GAREM1: variants seen among roughly 807,000 people sequenced by gnomAD.
The protein encoded by GAREM1 is GRB2 associated regulator of MAPK1 subtype 1.
Under a neutral mutation model 71.3 loss-of-function variants are expected in GAREM1, and 26 were observed. That is an observed-to-expected ratio of 0.36 (90% confidence interval 0.27 to 0.51). The LOEUF is 0.51. Among genes scored for constraint, GAREM1 ranks in the 20% least tolerant of loss-of-function variants. The pLI, the probability that GAREM1 is intolerant of heterozygous loss-of-function variation, is 0.95. For missense variants in GAREM1, 1,026 were observed against 1,103.1 expected (o/e 0.93, Z 0.99); for synonymous variants, 440 against 433.2 (o/e 1.02, Z -0.20).
intron 2 of GAREM1, among the ~76,000 whole-genome samples, chr18:32,370,640 T>C (rs2047969065): frequency 1.3e-5 from 2 of 152,316 alleles, no homozygotes; most frequent in Non-Finnish European, 2.9e-5. Context: ...ATATGGCGTG[T>C]GCCCCTCCAA....
intron 2 of GAREM1, among the ~76,000 whole-genome samples, chr18:32,312,307 T>A (rs1373729839): frequency 6.6e-6 from 1 of 152,080 alleles, no homozygotes. Context: ...CCTGGGAGAC[T>A]GAGAAGGACC....
At position 32,323,259 on chromosome 18, in the gene GAREM1, T is replaced by C. The variant is rs376624501; in HGVS notation, c.263-12936A>G. 1.2e-3 allele frequency among the ~76,000 whole-genome samples: 189 copies of C among 152,334 alleles called. 1 individual carries two copies. Among genetic ancestry groups the C allele is most frequent in the African/African-American group, 4.3e-3 (178 of 41,568 alleles). On this transcript the variant is annotated intron_variant, in intron 2 of 5. Transcript: ENST00000269209. ...ATTGAGCAAGGGCTTACAACATCAC[T>C]GATCTAGCTGATGCTGTTGTATTTG... is the stretch of plus-strand genomic sequence containing the variant.
At chr18:32,295,356 T>A (rs2047130093) in intron 3 of GAREM1, among the ~76,000 whole-genome samples, 1 of 152,234 alleles carries the variant, frequency 6.6e-6, no homozygotes, top group South Asian at 2.1e-4. Context: ...CAATACTGTG[T>A]AATTCTCTGA....
chr18:32,367,609 A>G (rs548348432), intron 2 of GAREM1, among the ~76,000 whole-genome samples: 26 of 152,346 alleles, frequency 1.7e-4, no homozygotes, highest in African/African-American at 5.8e-4. Flanking sequence ...CTTCACTGCC[A>G]AAGTCCAAAT....
chr18:32,275,370 T>C (rs1022591124), intron 4 of GAREM1, among the ~76,000 whole-genome samples: 1 of 152,244 alleles, frequency 6.6e-6, no homozygotes, highest in Non-Finnish European at 1.5e-5. Flanking sequence ...CCCTGTATTA[T>C]CAGGAATGAA....
At chr18:32,345,439 G>A (rs192416941) in intron 2 of GAREM1, among the ~76,000 whole-genome samples, 56 of 152,120 alleles carry the variant, frequency 3.7e-4, no homozygotes, top group Middle Eastern at 3.4e-3. Flanking sequence ...GATAAACTAC[G>A]AGAACAAAAC....
chr18:32,393,063 C>T, intron 1 of GAREM1, 28 bp from the exon 2 acceptor site: 1 of 1,597,818 alleles, frequency 6.3e-7, no homozygotes, highest in Non-Finnish European at 8.6e-7. Flanking sequence ...ATATGAGAAA[C>T]TTAGAATTCA....
At chr18:32,405,694 C>A (rs533371610) in intron 1 of GAREM1, among the ~76,000 whole-genome samples, 1 of 152,156 alleles carries the variant, frequency 6.6e-6, no homozygotes, top group Non-Finnish European at 1.5e-5. Flanking sequence ...CCTGGCCTTA[C>A]CCATGAAAGC....
intron 4 of GAREM1, among the ~76,000 whole-genome samples, chr18:32,270,645 A>G (rs1412873044): frequency 1.3e-5 from 2 of 152,208 alleles, no homozygotes; most frequent in Non-Finnish European, 2.9e-5. Flanking sequence ...CTGCTGAAAT[A>G]TAGAAAGTAA....
At chr18:32,331,555 T>C (rs1318982689) in intron 2 of GAREM1, 4 of 152,140 alleles carry the variant, frequency 2.6e-5, no homozygotes, top group Non-Finnish European at 5.9e-5. Flanking sequence ...TCACATACAC[T>C]AGTAGTTTTC....
In GAREM1 at chr18:32,265,076, CTTA is replaced by C. The variant is rs1219260708; in HGVS notation, c.*2792_*2794del. The stretch of plus-strand genomic sequence containing the variant: ...CTTCTCGAAAGGGAAGGGCTTTCTC[CTTA>C]TTATCCCTGCTTTGCATATCTTGTC... On this transcript the variant is annotated 3_prime_UTR_variant, in exon 6 of 6. Coordinates refer to ENST00000269209, the MANE Select transcript of GAREM1 (RefSeq NM_001242409.2). 1.3e-5 allele frequency: 2 copies of C among 152,176 alleles called. No individual in the cohort carries two copies. Among genetic ancestry groups the C allele is most frequent in the Non-Finnish European group, 2.9e-5 (2 of 68,052 alleles). 9.4% of individuals were successfully genotyped at this position (152,176 alleles called of 1,614,324 possible). A position where few individuals can be genotyped will look rare whatever the true frequency, so the allele number is the denominator to read the frequency against.
chr18:32,358,178 C>G (rs372463969), intron 2 of GAREM1, among the ~76,000 whole-genome samples: 1 of 139,140 alleles, frequency 7.2e-6, no homozygotes, highest in Non-Finnish European at 1.5e-5. Context: ...GAGGCTTTCA[C>G]AGGGGACCCT....
chr18:32,369,601 T>C (rs1033624478), intron 2 of GAREM1, among the ~76,000 whole-genome samples: 2 of 152,238 alleles, frequency 1.3e-5, no homozygotes, highest in Admixed American at 6.5e-5. Context: ...GACAATTTTA[T>C]GGTTGCTAAT....
At chr18:32,464,169 T>C (rs893095243) in intron 1 of GAREM1, among the ~76,000 whole-genome samples, 16 of 151,914 alleles carry the variant, frequency 1.1e-4, no homozygotes, top group Non-Finnish European at 1.8e-4. Context: ...TGCATGCCTG[T>C]AAGCCCAGCT....
chr18:32,373,198 C>T (rs1186160025), intron 2 of GAREM1, among the ~76,000 whole-genome samples: 1 of 152,118 alleles, frequency 6.6e-6, no homozygotes, highest in Non-Finnish European at 1.5e-5. Context: ...AAAGGGGACA[C>T]ATAAAATTGT....
intron 1 of GAREM1, among the ~76,000 whole-genome samples, chr18:32,468,966 C>CCA (rs2049024471): frequency 7.6e-6 from 1 of 131,990 alleles, no homozygotes; most frequent in South Asian, 3.2e-4. Context: ...TGCGTCCCCC[C>CCA]CCCCCGCCCC....
At chr18:32,348,134 G>T (rs749935272) in intron 2 of GAREM1, among the ~76,000 whole-genome samples, 3 of 152,152 alleles carry the variant, frequency 2.0e-5, no homozygotes, top group Non-Finnish European at 4.4e-5. Context: ...GGATACATTT[G>T]CCATAGAGCA....
intron 4 of GAREM1, among the ~76,000 whole-genome samples, chr18:32,282,777 T>C (rs2046968115): frequency 6.6e-6 from 1 of 152,230 alleles, no homozygotes; most frequent in African/African-American, 2.4e-5. Flanking sequence ...AGTCAAATGA[T>C]CTATTTATAG....
At chr18:32,364,333 C>T (rs770458950) in intron 2 of GAREM1, among the ~76,000 whole-genome samples, 1 of 151,690 alleles carries the variant, frequency 6.6e-6, no homozygotes, top group Non-Finnish European at 1.5e-5. Flanking sequence ...CTACACCCGG[C>T]CAAGGTTATA....
Sources: gnomAD v4.1 joint callset for allele counts (sites outside exome capture counted in the v4.1 genomes callset) on GRCh38, gnomAD v4.1.1 for gene constraint, MANE v1.5 for transcripts, NCBI Gene and HGNC (gene_info 2026-07-23, HGNC 2026-07-21) for gene names.